Variants in PAPOLA observed in about 807,000 individuals in gnomAD.
PAPOLA encodes polynucleotide adenylyltransferase alpha.
In PAPOLA, 15 loss-of-function variants were observed where a neutral mutation model predicts 100.6. The observed-to-expected ratio is 0.15, with a 90% CI of 0.10 to 0.23. The LOEUF (loss-of-function observed/expected upper bound fraction) is 0.23. Ranked by LOEUF, PAPOLA falls within the 10% of genes least tolerant of loss-of-function variation. PAPOLA has a pLI of 1.00. For missense variants in PAPOLA, 533 were observed against 884.2 expected (o/e 0.60, Z 5.04); for synonymous variants, 293 against 300.0 (o/e 0.98, Z 0.24).
chr14:96,518,918 G>A (rs1897705597), intron 1 of PAPOLA, among the ~76,000 whole-genome samples: 1 of 151,928 alleles, frequency 6.6e-6, no homozygotes, highest in Non-Finnish European at 1.5e-5. Context: ...TTAGCCGGGT[G>A]TGGTGGCATG....
At chr14:96,534,600 G>A in intron 10 of PAPOLA, 37 bp downstream of exon 10, 1 of 1,613,210 alleles carries the variant, frequency 6.2e-7, no homozygotes, top group Non-Finnish European at 8.5e-7. Context: ...AATTCACACT[G>A]TGCAATAACA....
At chr14:96,520,261 A>T (rs1897837582) in intron 2 of PAPOLA, 33 bp downstream of exon 2, 1 of 1,544,638 alleles carries the variant, frequency 6.5e-7, no homozygotes, top group South Asian at 1.2e-5. Flanking sequence ...TTTAACTCGG[A>T]AACTTTTATT....
intron 3 of PAPOLA, among the ~76,000 whole-genome samples, chr14:96,523,992 A>G (rs753511202): frequency 1.3e-5 from 2 of 151,802 alleles, no homozygotes; most frequent in African/African-American, 4.8e-5. Context: ...ATTAGTGTCT[A>G]TAGTGATGGT....
rs780510056 is a variant in PAPOLA, at chr14:96,544,163, C to T, written c.1304C>T (p.Thr435Met). Residue 435 changes from threonine to methionine, a missense_variant, in exon 15 of 22, where the codon ACG becomes ATG. Physicochemically the swap from Thr to Met is moderately conservative, Grantham distance 81. Around this residue, in one of 9 missense-constraint regions of PAPOLA, gnomAD observed 19 missense variants for 18.7 expected, o/e 1.01. Coordinates refer to ENST00000216277, the MANE Select transcript of PAPOLA (RefSeq NM_032632.5). ...KENPDKEEFR[T>M]MWVIGLVFKK... Reference sequence around the variant, plus strand: ...CTTCTTTGCAGGGAAGAATTTCGCACGATGTGGGTGATTGGGTTAGTGTTT... The same window carrying T: ...CTTCTTTGCAGGGAAGAATTTCGCATGATGTGGGTGATTGGGTTAGTGTTT... The T allele has an allele frequency of 2.3e-5, 36 of 1,598,646 alleles. No individual in the cohort carries two copies. The highest frequency in any genetic ancestry group is 2.9e-5 in the Non-Finnish European group (34 of 1,166,708).
intron 5 of PAPOLA, 103 bp downstream of exon 5, chr14:96,527,642 T>C: frequency 5.8e-6 from 4 of 690,630 alleles, no homozygotes; most frequent in Non-Finnish European, 1.0e-5. Flanking sequence ...TCTTGCAATT[T>C]GCCAAACCTT....
chr14:96,527,618 A>G (rs1301385231), intron 5 of PAPOLA, 79 bp downstream of exon 5: 2 of 786,736 alleles, frequency 2.5e-6, no homozygotes, highest in African/African-American at 3.4e-5. Context: ...TGATATAGCC[A>G]TCATTTATTG....
chr14:96,545,789 G>A (rs569013871), intron 15 of PAPOLA, among the ~76,000 whole-genome samples: 15 of 152,086 alleles, frequency 9.9e-5, no homozygotes, highest in East Asian at 5.8e-4. Context: ...TTAGAATGTC[G>A]TATGTAGGGT....
In PAPOLA at chr14:96,507,837, G is replaced by T. The variant is rs1896837709; in HGVS notation, c.8+5237G>T. 3.3e-5 allele frequency among the ~76,000 whole-genome samples: 5 copies of T among 152,106 alleles called. No homozygotes were observed. In the South Asian group the frequency reaches 1.0e-3, roughly 32 times the overall value. ...CCCAAGATGAAGTAGACTTTTCAGT[G>T]GTGGTATGAGCTGTCCATGCAGCAC... On this transcript the variant is annotated intron_variant, in intron 1 of 21. Coordinates refer to ENST00000216277, the MANE Select transcript of PAPOLA (RefSeq NM_032632.5).
chr14:96,524,272 G>T (rs1016639538), intron 3 of PAPOLA, among the ~76,000 whole-genome samples: 1 of 152,076 alleles, frequency 6.6e-6, no homozygotes, highest in East Asian at 1.9e-4. Flanking sequence ...ATACTAAACC[G>T]TAAAGCTTGG....
chr14:96,532,867 T>C, intron 9 of PAPOLA: 9 of 1,267,082 alleles, frequency 7.1e-6, no homozygotes, highest in Non-Finnish European at 8.9e-6. Flanking sequence ...TATTTGTACT[T>C]CCTTGCATAA....
chr14:96,502,866 G>A (rs1002086894), intron 1 of PAPOLA: 3 of 419,052 alleles, frequency 7.2e-6, no homozygotes, highest in African/African-American at 6.2e-5. Flanking sequence ...AATTGCTGGC[G>A]GAACCTCTAA....
At chr14:96,530,476 T>A (rs1898902733) in intron 6 of PAPOLA, among the ~76,000 whole-genome samples, 1 of 150,532 alleles carries the variant, frequency 6.6e-6, no homozygotes, top group Non-Finnish European at 1.5e-5. Flanking sequence ...AGCCTCAACC[T>A]CCTGGGCTCA....
chr14:96,543,073 G>A (rs866659892), intron 14 of PAPOLA, among the ~76,000 whole-genome samples, 180 bp downstream of exon 14: 4 of 152,048 alleles, frequency 2.6e-5, no homozygotes, highest in East Asian at 3.8e-4. Context: ...AGACTGTTTC[G>A]TGAGAAAAAT....
At chr14:96,564,916 TGC>T in intron 21 of PAPOLA, 37 bp from the exon 22 acceptor site, 1 of 1,001,628 alleles carries the variant, frequency 1.0e-6, no homozygotes, top group South Asian at 1.3e-5. Flanking sequence ...TAAATTATGG[TGC>T]TTTGAACAAT....
At position 96,502,517 on chromosome 14, in the gene PAPOLA, C is replaced by T. The variant is rs1566825750; in HGVS notation, c.-76C>T. The stretch of plus-strand genomic sequence containing the variant: ...GCAGGCCCCCCCCTCCCTCCCGCCT[C>T]AGTGGATCATGCCCAGGGCGGCAGC... On this transcript the variant is annotated 5_prime_UTR_variant, in exon 1 of 22. Coordinates refer to ENST00000216277, the MANE Select transcript of PAPOLA (RefSeq NM_032632.5). The T allele has an allele frequency of 4.1e-6, 5 of 1,213,834 alleles. No homozygotes were observed. Among genetic ancestry groups the T allele is most frequent in the East Asian group, 5.1e-5 (2 of 38,848 alleles). 75.2% of individuals were successfully genotyped at this position (1,213,834 alleles called of 1,614,324 possible). A position where few individuals can be genotyped will look rare whatever the true frequency, so the allele number is the denominator to read the frequency against.
rs1301915341 is a variant in PAPOLA at position 96,521,138 on chromosome 14, A to T, written c.249+66A>T. ...GCCAACTGAACACAGCAAGTGTCTT[A>T]TATAACCTGTTCTTATTTGAGTGGA... On this transcript the variant is annotated intron_variant, in intron 3 of 21. Coordinates refer to ENST00000216277, the MANE Select transcript of PAPOLA (RefSeq NM_032632.5). 4 of 779,336 alleles carry T rather than the reference A, an allele frequency of 5.1e-6. No individual in the cohort carries two copies. In the African/African-American group the frequency reaches 6.9e-5, roughly 14 times the overall value. The allele number at this position is 779,336 out of a possible 1,614,324, so 48.3% of individuals were successfully genotyped here.
At chr14:96,516,851 T>C (rs902847245) in intron 1 of PAPOLA, among the ~76,000 whole-genome samples, 1 of 152,226 alleles carries the variant, frequency 6.6e-6, no homozygotes, top group Non-Finnish European at 1.5e-5. Flanking sequence ...AATCAGGGCC[T>C]GTATTCTAAT....
chr14:96,553,235 A>AGGT (rs1436002651), intron 17 of PAPOLA: 2 of 152,460 alleles, frequency 1.3e-5, no homozygotes, highest in African/African-American at 2.4e-5. Flanking sequence ...ATTTTCAGCC[A>AGGT]GGTGCAGTGA....
At chr14:96,509,183 C>T (rs1334107396) in intron 1 of PAPOLA, among the ~76,000 whole-genome samples, 3 of 152,094 alleles carry the variant, frequency 2.0e-5, no homozygotes, top group Non-Finnish European at 4.4e-5. Flanking sequence ...AGGCACGCAC[C>T]ACCATACGTG....
Sources: gnomAD v4.1 joint callset for allele counts (sites outside exome capture counted in the v4.1 genomes callset) on GRCh38, gnomAD v4.1.1 for gene constraint, gnomAD v4.1.1 regional missense constraint, MANE v1.5 for transcripts, NCBI Gene and HGNC (gene_info 2026-07-23, HGNC 2026-07-21) for gene names.